The following MTERF1 variants were observed in gnomAD, a reference collection of about 807,000 sequenced individuals.
MTERF1 encodes the protein transcription termination factor 1, mitochondrial.
MTERF1 carries 29 observed loss-of-function variants against 31.6 expected under a neutral mutation model. That is an observed-to-expected ratio of 0.92 (90% CI 0.68 to 1.25). The LOEUF (loss-of-function observed/expected upper bound fraction) is 1.25. Among genes scored for constraint, MTERF1 ranks in the 50% most tolerant of loss-of-function variants. The pLI is 0.00. For missense variants in MTERF1, 500 were observed against 469.1 expected, an observed-to-expected ratio of 1.07 and a Z score of -0.61; for synonymous variants, 152 against 164.1, an observed-to-expected ratio of 0.93 and a Z score of 0.57.
At chr7:91,874,867 T>C (rs1482618604) in intron 2 of MTERF1, 103 bp from the exon 3 acceptor site, 1 of 757,176 alleles carries the variant, frequency 1.3e-6, no homozygotes, top group Non-Finnish European at 2.1e-6. Flanking sequence ...TATGAGAATA[T>C]ACCTTCAGCT....
chr7:91,879,424 G>GTGGAA (rs1277804591), intron 2 of MTERF1, among the ~76,000 whole-genome samples: 1 of 152,146 alleles, frequency 6.6e-6, no homozygotes, highest in Middle Eastern at 3.2e-3. Flanking sequence ...GAGGGGGAAA[G>GTGGAA]TGGAATGACA....
rs143800373 is a variant in MTERF1, at chr7:91,873,744, C to T, written c.1050G>A (p.Arg350=). The change falls in exon 3 of 3, where the codon CGG becomes CGA. Residue 350 remains arginine, a synonymous_variant. Transcript: ENST00000351870. ...AAGTACTTATGCTTGAATCCAGAAC[C>T]CGAGGATTTTCGATTATTTGTGAAA... ...ISISQIIENP[R]VLDSSISTLK... The T allele has an allele frequency of 6.2e-7, 1 of 1,614,084 alleles. No homozygotes were observed. The highest frequency in any genetic ancestry group is 1.7e-5 in the Admixed American group (1 of 60,006).
intron 2 of MTERF1, among the ~76,000 whole-genome samples, chr7:91,878,731 A>T (rs559322283): frequency 9.8e-5 from 15 of 152,316 alleles, no homozygotes; most frequent in African/African-American, 3.4e-4. Context: ...GCTGCTCAGA[A>T]GGCTGAGGTA....
chr7:91,880,124 C>T lies in MTERF1; in HGVS notation c.-30-11G>A, dbSNP rs373298206. ...GGAGAACAGCTATCTCTGGAAATGA[C>T]ACACACACACAAAAAAAAGGCAAAA... is the stretch of plus-strand genomic sequence containing the variant. On this transcript the variant is annotated splice_polypyrimidine_tract_variant and intron_variant, in intron 1 of 2. Transcript: ENST00000351870. 14 of 1,521,270 alleles carry T rather than the reference C, an allele frequency of 9.2e-6. No homozygotes were observed. Among genetic ancestry groups the T allele is most frequent in the Non-Finnish European group, 1.3e-5 (14 of 1,117,874 alleles). The allele number at this position is 1,521,270 out of a possible 1,614,324, so 94.2% of individuals were successfully genotyped here.
intron 1 of MTERF1, 163 bp downstream of exon 1, chr7:91,880,494 T>G (rs538749811): frequency 1.7e-4 from 35 of 200,202 alleles, no homozygotes; most frequent in Admixed American, 1.2e-3. Flanking sequence ...AGGTGGGTCT[T>G]TCTTAACTCA....
chr7:91,872,586 T>A lies in MTERF1; in HGVS notation c.*1008A>T, dbSNP rs1046236315. 2.6e-5 allele frequency: 4 copies of A among 152,214 alleles called. No homozygotes were observed. Among genetic ancestry groups the A allele is most frequent in the African/African-American group, 4.8e-5 (2 of 41,452 alleles). 9.4% of individuals were successfully genotyped at this position (152,214 alleles called of 1,614,324 possible). A position where few individuals can be genotyped will look rare whatever the true frequency, so the allele number is the denominator to read the frequency against. On this transcript the variant is annotated 3_prime_UTR_variant, in exon 3 of 3. Coordinates refer to ENST00000351870, the MANE Select transcript of MTERF1 (RefSeq NM_006980.5). ...AAAGCAGACATATTGTTTTTATCAA[T>A]AGTAGGAATAAGGTTTTTTGAAGTA...
chr7:91,877,214 T>G (rs1270108158), intron 2 of MTERF1, among the ~76,000 whole-genome samples: 5 of 152,234 alleles, frequency 3.3e-5, no homozygotes, highest in Non-Finnish European at 7.3e-5. Context: ...GTGCACTTTC[T>G]TAGGACTATT....
At chr7:91,876,403 G>C (rs1201232167) in intron 2 of MTERF1, among the ~76,000 whole-genome samples, 2 of 152,132 alleles carry the variant, frequency 1.3e-5, no homozygotes, top group Non-Finnish European at 2.9e-5. Context: ...CTCTTACTTA[G>C]AAAAGGCATT....
intron 1 of MTERF1, 166 bp from the exon 2 acceptor site, chr7:91,880,279 G>C: frequency 6.8e-6 from 4 of 588,494 alleles, no homozygotes. Flanking sequence ...AAAACGGCAA[G>C]TACATGCCTA....
Position 91,874,748 on chromosome 7 carries a change from T to A in MTERF1, c.46A>T (p.Asn16Tyr), listed in dbSNP as rs1471736955. ...CCTGGTGCCATAATGGTTAGGTAGT[T>A]CAAACCTTTTGAAATGCTGTGTAAA... Reference protein sequence around the residue: ...LGQTSISKGLNYLTIMAPGNL... With the variant: ...LGQTSISKGLYYLTIMAPGNL... Residue 16 changes from asparagine (N) to tyrosine (Y), a missense_variant, in exon 3 of 3, where the codon AAC becomes TAC. Physicochemically the swap from Asn to Tyr is moderately radical, Grantham distance 143. Transcript: ENST00000351870. The A allele has an allele frequency of 6.2e-7, 1 of 1,602,970 alleles. No individual in the cohort carries two copies. The highest frequency in any genetic ancestry group is 1.1e-5 in the South Asian group (1 of 89,084).
At chr7:91,878,476 C>T (rs1337472902) in intron 2 of MTERF1, among the ~76,000 whole-genome samples, 2 of 152,188 alleles carry the variant, frequency 1.3e-5, no homozygotes, top group Non-Finnish European at 1.5e-5. Flanking sequence ...TTGGCACCAG[C>T]TGCCACAATT....
rs1167144235 is a variant in MTERF1 at position 91,880,063 on chromosome 7, T to A, written c.21A>T (p.Gly7=). The change falls in exon 2 of 3, where the codon GGA becomes GGT. Residue 7 remains glycine, a synonymous_variant. Transcript: ENST00000351870. MQSLSL[G]QTSISKGLNY... ...TTACATGCATTTCTCACCTTGTTTG[T>A]CCTAAGGAAAGGCTCTGCATCCCTC... 1.2e-6 allele frequency: 2 copies of A among 1,614,052 alleles called. No individual in the cohort carries two copies.
rs1332745605 is a variant in MTERF1 at position 91,874,649 on chromosome 7, T to C, written c.145A>G (p.Ile49Val). The change falls in exon 3 of 3, where the codon ATC (isoleucine) becomes GTC (valine). Residue 49 changes from isoleucine (I) to valine (V), a missense_variant. Ile to Val is a conservative substitution (Grantham distance 29). Transcript: ENST00000351870. Reference sequence around the variant, plus strand: ...AGCCTAAATGAAACTGATTTGAAGATGTTTTCTGCTGAAAATCGAGTCATC... The same window carrying C: ...AGCCTAAATGAAACTGATTTGAAGACGTTTTCTGCTGAAAATCGAGTCATC... ...CWMTRFSAENIFKSVSFRLFG... is the reference protein window; with the variant it reads ...CWMTRFSAENVFKSVSFRLFG... 3 of 1,614,024 alleles carry C rather than the reference T, an allele frequency of 1.9e-6. No homozygotes were observed. Among genetic ancestry groups the C allele is most frequent in the Admixed American group, 1.7e-5 (1 of 60,002 alleles).
intron 2 of MTERF1, chr7:91,876,870 G>A (rs1186540412): frequency 3.2e-5 from 31 of 974,126 alleles, no homozygotes; most frequent in South Asian, 9.5e-5. Flanking sequence ...GAAGAATGAC[G>A]GCTCTACCTT....
chr7:91,871,508 T>G lies in MTERF1; in HGVS notation c.*2086A>C, dbSNP rs1382574817. The G allele has an allele frequency of 6.6e-6, 1 of 152,144 alleles. No homozygotes were observed. The highest frequency in any genetic ancestry group is 1.5e-5 in the Non-Finnish European group (1 of 68,034). 9.4% of individuals were successfully genotyped at this position (152,144 alleles called of 1,614,324 possible). A position where few individuals can be genotyped will look rare whatever the true frequency, so the allele number is the denominator to read the frequency against. On this transcript the variant is annotated 3_prime_UTR_variant, in exon 3 of 3. Coordinates refer to ENST00000351870, the MANE Select transcript of MTERF1 (RefSeq NM_006980.5). The stretch of plus-strand genomic sequence containing the variant: ...TCCCAATACTACTGTACCCATACAA[T>G]GGAATATTACTTGCCAAAAAAAATG...
chr7:91,875,256 CT>C (rs528691117), intron 2 of MTERF1, among the ~76,000 whole-genome samples: 65 of 146,952 alleles, frequency 4.4e-4, no homozygotes, highest in Admixed American at 4.1e-4. Context: ...GATTTCCAAA[CT>C]TTTTTTTTTT....
At position 91,874,296 on chromosome 7, in the gene MTERF1, G is replaced by T. The variant is rs1363801548; in HGVS notation, c.498C>A (p.Ser166=). 1 of 1,614,014 alleles carries T rather than the reference G, an allele frequency of 6.2e-7. No homozygotes were observed. The highest frequency in any genetic ancestry group is 1.7e-5 in the Admixed American group (1 of 59,994). ...IVNILERSPE[S]FFRSNNNLNL... ...TTAGGTTGTTATTGGACCGAAAAAA[G>T]GATTCAGGAGAACGTTCCAAAATAT... Residue 166 remains serine, a synonymous_variant, in exon 3 of 3, where the codon TCC becomes TCA. Transcript: ENST00000351870.
At chr7:91,880,503 CA>C in intron 1 of MTERF1, 153 bp downstream of exon 1, 1 of 197,252 alleles carries the variant, frequency 5.1e-6, no homozygotes, top group Non-Finnish European at 1.1e-5. Flanking sequence ...TTTCTTAACT[CA>C]AAACCAAGGT....
chr7:91,879,507 T>A (rs147401862), intron 2 of MTERF1, among the ~76,000 whole-genome samples: 76 of 152,356 alleles, frequency 5.0e-4, no homozygotes, highest in African/African-American at 1.7e-3. Flanking sequence ...TGAATATGTG[T>A]TACTTTGCAG....
Sources: gnomAD v4.1 joint callset for allele counts (sites outside exome capture counted in the v4.1 genomes callset) on GRCh38, gnomAD v4.1.1 for gene constraint, MANE v1.5 for transcripts, NCBI Gene and HGNC (gene_info 2026-07-23, HGNC 2026-07-21) for gene names.